Variants in PCDHGB2 observed in about 807,000 individuals in gnomAD.
The protein encoded by PCDHGB2 is protocadherin gamma subfamily B, 2.
A neutral mutation model predicts 59.3 loss-of-function variants in PCDHGB2; 55 were observed. The ratio of observed to expected loss-of-function variants is 0.93; its 90% CI spans 0.75 to 1.16. The LOEUF (loss-of-function observed/expected upper bound fraction) is 1.16. Ranked by LOEUF, PCDHGB2 falls within the 50% of genes most tolerant of loss-of-function variation. The probability of loss-of-function intolerance (pLI) is 0.00; values close to 1 mark genes in which losing one functional copy is unlikely to be tolerated. For synonymous variants in PCDHGB2, 516 were observed against 512.0 expected (o/e 1.01, Z -0.11); for missense variants, 1,228 against 1,198.5 (o/e 1.02, Z -0.36).
intron 1 of PCDHGB2, among the ~76,000 whole-genome samples, chr5:141,447,527 A>C (rs1278828003): frequency 6.6e-6 from 1 of 152,224 alleles, no homozygotes; most frequent in East Asian, 1.9e-4. Flanking sequence ...TCATAACAAA[A>C]TTGTTGGGTT....
In PCDHGB2 at chr5:141,486,872, C is replaced by T. The variant is rs1320632059; in HGVS notation, c.2422-7935C>T. On this transcript the variant is annotated intron_variant, in intron 1 of 3. Transcript: ENST00000522605. The surrounding 1 kb of genome is among the most constrained non-coding windows in gnomAD (Gnocchi z 5.0). ...CAATGACAATGCTCCAGCTGTGCTC[C>T]GTCCTCGGGCCCGGCCTGGTTCCTT... The T allele has an allele frequency of 3.7e-6, 6 of 1,614,232 alleles. No individual in the cohort carries two copies. Among genetic ancestry groups the T allele is most frequent in the African/African-American group, 1.3e-5 (1 of 75,070 alleles).
At chr5:141,364,333 G>A in intron 1 of PCDHGB2, 1 of 1,532,742 alleles carries the variant, frequency 6.5e-7, no homozygotes. Flanking sequence ...AGAAGGCAAT[G>A]GCGAGTCCAC....
chr5:141,388,662 A>T, intron 1 of PCDHGB2: 1 of 1,613,954 alleles, frequency 6.2e-7, no homozygotes, highest in Non-Finnish European at 8.5e-7. Flanking sequence ...CCCGGGGACC[A>T]CGGTGCTACA....
intron 2 of PCDHGB2, among the ~76,000 whole-genome samples, chr5:141,497,894 A>AG (rs1562181617): frequency 2.0e-5 from 3 of 152,186 alleles, no homozygotes; most frequent in Admixed American, 6.5e-5. Context: ...GATCTAGTCC[A>AG]GTAACTTCAA....
At chr5:141,399,576 C>A (rs2093838433) in intron 1 of PCDHGB2, 4 of 1,614,028 alleles carry the variant, frequency 2.5e-6, no homozygotes, top group Non-Finnish European at 3.4e-6. Context: ...ACGGCCAAGT[C>A]TCCTACTCTA....
At chr5:141,403,574 C>T (rs1441332710) in intron 1 of PCDHGB2, 1 of 1,613,960 alleles carries the variant, frequency 6.2e-7, no homozygotes, top group Non-Finnish European at 8.5e-7. Context: ...GGCAACTGCC[C>T]ACCACCTGGT....
At chr5:141,371,173 C>T in intron 1 of PCDHGB2, 8 of 1,613,998 alleles carry the variant, frequency 5.0e-6, no homozygotes, top group Non-Finnish European at 6.8e-6. Context: ...GCTGGCTCCT[C>T]CGTATTAAAA....
intron 1 of PCDHGB2, chr5:141,423,595 G>A: frequency 6.2e-7 from 1 of 1,613,216 alleles, no homozygotes; most frequent in Non-Finnish European, 8.5e-7. Flanking sequence ...TGAGAAAAGC[G>A]AGCCACTCTT....
At chr5:141,405,186 G>T (rs762537440) in intron 1 of PCDHGB2, 2 of 1,612,892 alleles carry the variant, frequency 1.2e-6, no homozygotes, top group Non-Finnish European at 1.7e-6. Context: ...GGTGTAGATG[G>T]GGTTCGAGCT....
intron 1 of PCDHGB2, chr5:141,366,750 A>G: frequency 1.9e-6 from 3 of 1,607,760 alleles, no homozygotes; most frequent in Non-Finnish European, 2.6e-6. Flanking sequence ...CGGCGAGTTC[A>G]GGTTAGTTTT....
rs199756911 is a variant in PCDHGB2 at position 141,365,042 on chromosome 5, A to T, written c.2421+2486A>T. On this transcript the variant is annotated intron_variant, in intron 1 of 3. Coordinates refer to ENST00000522605, the MANE Select transcript of PCDHGB2 (RefSeq NM_018923.3). ...TGTTACGGTCCTCGACGCAAACGAC[A>T]ATGCGCCCCTGTTCACCCCATCCGA... 1.5e-4 allele frequency: 244 copies of T among 1,613,726 alleles called. No individual in the cohort carries two copies. Among genetic ancestry groups the T allele is most frequent in the Non-Finnish European group, 1.9e-4 (219 of 1,179,898 alleles).
chr5:141,400,333 C>T (rs538201613), intron 1 of PCDHGB2: 2 of 1,614,032 alleles, frequency 1.2e-6, no homozygotes, highest in East Asian at 2.2e-5. Context: ...ACCTGTGGTT[C>T]CCCCCAACTA....
Position 141,432,201 on chromosome 5 carries a change from G to T in PCDHGB2, c.2422-62606G>T, listed in dbSNP as rs761075658. On this transcript the variant is annotated intron_variant, in intron 1 of 3. Transcript: ENST00000522605. This position sits in a 1 kb window ranked among gnomAD's most constrained non-coding sequence, Gnocchi z 6.0. ...TCTGTGACCGCCCACGACCCCGACT[G>T]TGAAGAGAACGCCCAGATCACTTAT... 1.8e-5 allele frequency: 29 copies of T among 1,614,092 alleles called. No homozygotes were observed. The South Asian group carries it at 2.9e-4, about 16-fold the overall frequency.
chr5:141,415,880 A>G, intron 1 of PCDHGB2: 1 of 1,003,078 alleles, frequency 1.0e-6, no homozygotes. Flanking sequence ...TGAGTACAAT[A>G]TTGACAATTC....
In PCDHGB2 at chr5:141,409,573, C is replaced by A. The variant is rs562811168; in HGVS notation, c.2421+47017C>A. 7 of 1,613,816 alleles carry A rather than the reference C, an allele frequency of 4.3e-6. No individual in the cohort carries two copies. In the Admixed American group the frequency reaches 1.2e-4, roughly 27 times the overall value. ...CCCCAGTTTTCGACCAGACGTCCTA[C>A]GTGGTCCACGTGGCCGAGAACAACC... On this transcript the variant is annotated intron_variant, in intron 1 of 3. Transcript: ENST00000522605.
At position 141,361,194 on chromosome 5, in the gene PCDHGB2, T is replaced by TA. The variant is rs755692638; in HGVS notation, c.1060dup (p.Thr354AsnfsTer95). ...CTGAAGTTATTGTGACTTCAGTATC[T>TA]ACTCCCCTACCGGAGGATTCGCCAC... is the stretch of plus-strand genomic sequence containing the variant. On this transcript the variant is annotated frameshift_variant, in exon 1 of 4. Transcript: ENST00000522605. LOFTEE classifies it high-confidence loss of function. The TA allele has an allele frequency of 9.9e-6, 16 of 1,613,986 alleles. No homozygotes were observed. In the South Asian group the frequency reaches 1.8e-4, roughly 18 times the overall value.
chr5:141,490,775 A>G lies in PCDHGB2; in HGVS notation c.2422-4032A>G. 6 of 1,614,110 alleles carry G rather than the reference A, an allele frequency of 3.7e-6. No homozygotes were observed. Among genetic ancestry groups the G allele is most frequent in the Non-Finnish European group, 5.1e-6 (6 of 1,179,964 alleles). On this transcript the variant is annotated intron_variant, in intron 1 of 3. Transcript: ENST00000522605. The surrounding 1 kb of genome is among the most constrained non-coding windows in gnomAD (Gnocchi z 5.4). ...TCCTCCTTTGTGTATGTCAACCCAG[A>G]GGATGGACGGATCTTTGCCCAGCGT...
At chr5:141,442,049 C>A in intron 1 of PCDHGB2, 2 of 202,550 alleles carry the variant, frequency 9.9e-6, no homozygotes, top group South Asian at 1.3e-4. Flanking sequence ...GCCTACTGGT[C>A]GCGGTGCACT....
chr5:141,410,036 A>G, intron 1 of PCDHGB2: 1 of 1,613,240 alleles, frequency 6.2e-7, no homozygotes, highest in Non-Finnish European at 8.5e-7. Flanking sequence ...GCTGCAGGCC[A>G]GTGAGCCCGG....
Sources: gnomAD v4.1 joint callset for allele counts (sites outside exome capture counted in the v4.1 genomes callset) on GRCh38, gnomAD v4.1.1 for gene constraint, Gnocchi (gnomAD v3.1) non-coding constraint, MANE v1.5 for transcripts, NCBI Gene and HGNC (gene_info 2026-07-23, HGNC 2026-07-21) for gene names.